POU2F1: variants seen among roughly 807,000 people sequenced by gnomAD.
POU2F1 encodes POU domain, class 2, transcription factor 1.
Under a neutral mutation model 84.9 loss-of-function variants are expected in POU2F1, and 16 were observed. The observed-to-expected ratio is 0.19, with a 90% CI of 0.13 to 0.29. The LOEUF (loss-of-function observed/expected upper bound fraction) is 0.29. POU2F1 is among the 10% of genes least tolerant of loss of function. POU2F1 has a pLI of 1.00. For synonymous variants in POU2F1, 368 were observed against 368.3 expected (o/e 1.00, Z 0.01); for missense variants, 738 against 942.6 (o/e 0.78, Z 2.84).
intron 1 of POU2F1, among the ~76,000 whole-genome samples, chr1:167,270,038 G>C (rs891100153): frequency 1.3e-5 from 2 of 152,014 alleles, no homozygotes; most frequent in South Asian, 4.1e-4. Context: ...AACTCTCCCT[G>C]AGTTTGTGGG....
chr1:167,359,225 G>C (rs561610873), intron 2 of POU2F1, among the ~76,000 whole-genome samples: 69 of 152,068 alleles, frequency 4.5e-4, no homozygotes, highest in African/African-American at 1.4e-3. Context: ...TTAGATGTAG[G>C]GGGTAAATGC....
At chr1:167,330,460 C>T (rs1018667160) in intron 1 of POU2F1, among the ~76,000 whole-genome samples, 3 of 152,106 alleles carry the variant, frequency 2.0e-5, no homozygotes, top group African/African-American at 7.2e-5. Context: ...TACTCTTTGA[C>T]ATTTACTTAG....
chr1:167,346,952 T>C (rs1658245669), intron 2 of POU2F1, among the ~76,000 whole-genome samples: 1 of 152,208 alleles, frequency 6.6e-6, no homozygotes, highest in South Asian at 2.1e-4. Context: ...GAAGAAACGC[T>C]CTCCACACAA....
At chr1:167,296,026 CT>C (rs34536599) in intron 1 of POU2F1, among the ~76,000 whole-genome samples, 117 of 146,264 alleles carry the variant, frequency 8.0e-4, no homozygotes, top group Middle Eastern at 3.5e-3. Context: ...AAGTAGAAAA[CT>C]TTTTTTTTTT....
At chr1:167,271,495 A>G (rs545571290) in intron 1 of POU2F1, among the ~76,000 whole-genome samples, 3 of 152,348 alleles carry the variant, frequency 2.0e-5, no homozygotes, top group South Asian at 2.1e-4. Flanking sequence ...TATTTATTCA[A>G]AGATTGAGCA....
intron 1 of POU2F1, among the ~76,000 whole-genome samples, chr1:167,269,142 A>C (rs1482207178): frequency 6.6e-6 from 1 of 152,160 alleles, no homozygotes; most frequent in Non-Finnish European, 1.5e-5. Flanking sequence ...TTGAACTGAG[A>C]AATAACAAAC....
chr1:167,326,316 G>A (rs563775576), intron 1 of POU2F1, among the ~76,000 whole-genome samples: 1 of 152,288 alleles, frequency 6.6e-6, no homozygotes, highest in Non-Finnish European at 1.5e-5. Context: ...GTTCTTTCTA[G>A]GTTAAGTTTT....
intron 1 of POU2F1, among the ~76,000 whole-genome samples, chr1:167,266,144 A>G (rs1460985420): frequency 2.0e-5 from 3 of 152,196 alleles, no homozygotes; most frequent in African/African-American, 7.2e-5. Flanking sequence ...TTTTAAATTT[A>G]TTTTAAGTTT....
intron 1 of POU2F1, among the ~76,000 whole-genome samples, chr1:167,239,968 T>G (rs1252980819): frequency 6.7e-6 from 1 of 150,200 alleles, no homozygotes; most frequent in African/African-American, 2.4e-5. Context: ...TTCTTTAAGC[T>G]ATGAATAGGA....
At chr1:167,376,304 AG>A (rs1313638642) in intron 7 of POU2F1, 149 bp downstream of exon 7, 38 of 1,083,882 alleles carry the variant, frequency 3.5e-5, no homozygotes, top group Non-Finnish European at 4.1e-5. Context: ...GTTTAAAAAA[AG>A]TTTTGTTTTG....
chr1:167,326,101 C>T (rs1450336842), intron 1 of POU2F1, among the ~76,000 whole-genome samples: 4 of 152,056 alleles, frequency 2.6e-5, no homozygotes, highest in African/African-American at 9.7e-5. Flanking sequence ...GCCCACATTA[C>T]CCCACCCCCA....
At chr1:167,296,513 C>T (rs1367482444) in intron 1 of POU2F1, among the ~76,000 whole-genome samples, 4 of 152,054 alleles carry the variant, frequency 2.6e-5, no homozygotes, top group South Asian at 2.1e-4. Context: ...GATTACACAG[C>T]GTTGCACTCC....
chr1:167,347,131 G>A (rs1010808307), intron 2 of POU2F1, among the ~76,000 whole-genome samples: 3 of 152,074 alleles, frequency 2.0e-5, no homozygotes, highest in Admixed American at 6.5e-5. Flanking sequence ...ATAGGGTGTC[G>A]GAAATTTAGT....
At chr1:167,335,675 G>GTAA (rs1269280578) in intron 2 of POU2F1, among the ~76,000 whole-genome samples, 12 of 152,194 alleles carry the variant, frequency 7.9e-5, no homozygotes, top group Admixed American at 7.9e-4. Flanking sequence ...AGGGATAATA[G>GTAA]TAATAATAAT....
chr1:167,251,136 T>C (rs1201251754), intron 1 of POU2F1, among the ~76,000 whole-genome samples: 1 of 152,150 alleles, frequency 6.6e-6, no homozygotes, highest in African/African-American at 2.4e-5. Context: ...TGGTGGCTCA[T>C]GCCTGTAATC....
At chr1:167,227,945 A>G (rs1190914717) in intron 1 of POU2F1, among the ~76,000 whole-genome samples, 2 of 152,350 alleles carry the variant, frequency 1.3e-5, no homozygotes, top group South Asian at 2.1e-4. Flanking sequence ...TATTTTCACA[A>G]TGGTTTAGTG....
At chr1:167,303,859 G>A in intron 1 of POU2F1, among the ~76,000 whole-genome samples, 1 of 151,542 alleles carries the variant, frequency 6.6e-6, no homozygotes, top group African/African-American at 2.4e-5. Context: ...GTGGAAATAG[G>A]GTATATAAAT....
chr1:167,276,595 C>G (rs911372502), intron 1 of POU2F1, among the ~76,000 whole-genome samples: 1 of 152,040 alleles, frequency 6.6e-6, no homozygotes, highest in Non-Finnish European at 1.5e-5. Flanking sequence ...GACGTTATTT[C>G]CTGTTCAAAC....
rs550056177 is a variant in POU2F1 at position 167,403,487 on chromosome 1, G to A, written c.1555+1931G>A. ...TTCTTTTCTTACTCTTTTATCAGCCGTTGCTCAAAACCATGCCCCTTTTTA... is the reference window on the plus strand; with the variant it reads ...TTCTTTTCTTACTCTTTTATCAGCCATTGCTCAAAACCATGCCCCTTTTTA... On this transcript the variant is annotated intron_variant, in intron 13 of 15. Transcript: ENST00000367866. 3.3e-5 allele frequency among the ~76,000 whole-genome samples: 5 copies of A among 152,218 alleles called. No individual in the cohort carries two copies. The South Asian group carries it at 6.2e-4, about 19-fold the overall frequency.
Sources: gnomAD v4.1 joint callset for allele counts (sites outside exome capture counted in the v4.1 genomes callset) on GRCh38, gnomAD v4.1.1 for gene constraint, MANE v1.5 for transcripts, NCBI Gene and HGNC (gene_info 2026-07-23, HGNC 2026-07-21) for gene names.